CNTN5: variants seen among roughly 807,000 people sequenced by gnomAD.
CNTN5 encodes the protein contactin 5.
Under a neutral mutation model 129.1 loss-of-function variants are expected in CNTN5, and 77 were observed. The ratio of observed to expected loss-of-function variants is 0.60; its 90% CI spans 0.50 to 0.72. The LOEUF (loss-of-function observed/expected upper bound fraction) is 0.72, where lower values mean the gene tolerates loss of function less well. CNTN5 is among the 30% of genes least tolerant of loss of function. The pLI is 0.00. For synonymous variants in CNTN5, 509 were observed against 465.6 expected (o/e 1.09, Z -1.20); for missense variants, 1,478 against 1,328.8 (o/e 1.11, Z -1.75).
At chr11:100,027,213 T>G (rs570299234) in intron 9 of CNTN5, among the ~76,000 whole-genome samples, 31 of 152,342 alleles carry the variant, frequency 2.0e-4, no homozygotes, top group African/African-American at 7.0e-4. Context: ...ATTCTTTGCA[T>G]ACCTGAAAAT....
At chr11:99,519,085 C>T (rs2135432793) in intron 2 of CNTN5, among the ~76,000 whole-genome samples, 1 of 152,128 alleles carries the variant, frequency 6.6e-6, no homozygotes, top group Admixed American at 6.6e-5. Flanking sequence ...TCTACCAGTA[C>T]CCCATCTCCA....
chr11:99,652,633 A>G (rs915159325), intron 3 of CNTN5, among the ~76,000 whole-genome samples: 37 of 152,092 alleles, frequency 2.4e-4, no homozygotes, highest in African/African-American at 8.9e-4. Context: ...TTATTTGGTG[A>G]AAAATTTTGA....
intron 13 of CNTN5, among the ~76,000 whole-genome samples, chr11:100,083,958 G>A (rs1944458316): frequency 6.6e-6 from 1 of 151,964 alleles, no homozygotes. Context: ...CTCCCAACGA[G>A]AGATAACACT....
At chr11:99,364,881 G>T (rs1481934574) in intron 2 of CNTN5, among the ~76,000 whole-genome samples, 1 of 152,052 alleles carries the variant, frequency 6.6e-6, no homozygotes, top group Non-Finnish European at 1.5e-5. Flanking sequence ...CTGTTGAGGG[G>T]TTTGGGGCAG....
intron 3 of CNTN5, among the ~76,000 whole-genome samples, chr11:99,781,825 C>G (rs11221345): frequency 0.082 from 12,488 of 152,040 alleles, 566 homozygotes; most frequent in African/African-American, 0.11. Context: ...TGGGACGTAT[C>G]TCAAAATAAT....
intron 17 of CNTN5, among the ~76,000 whole-genome samples, chr11:100,261,273 A>G (rs1163917924): frequency 6.6e-6 from 1 of 152,184 alleles, no homozygotes; most frequent in Non-Finnish European, 1.5e-5. Flanking sequence ...GAGAACTACA[A>G]ACTACTGCTC....
At chr11:99,791,590 G>C (rs949410657) in intron 3 of CNTN5, among the ~76,000 whole-genome samples, 2 of 152,086 alleles carry the variant, frequency 1.3e-5, no homozygotes, top group Non-Finnish European at 2.9e-5. Context: ...GATTGCCTTG[G>C]CTATTCAAGC....
intron 3 of CNTN5, among the ~76,000 whole-genome samples, chr11:99,695,247 TC>T (rs1430965134): frequency 1.3e-5 from 2 of 151,998 alleles, no homozygotes; most frequent in Non-Finnish European, 2.9e-5. Context: ...CTTCCCACTT[TC>T]TGTTTTGGGT....
At chr11:99,451,121 TGTACTCA>T (rs1372253549) in intron 2 of CNTN5, among the ~76,000 whole-genome samples, 1 of 152,094 alleles carries the variant, frequency 6.6e-6, no homozygotes, top group Admixed American at 6.6e-5. Context: ...GTAAACAGAT[TGTACTCA>T]GTGAGACCTG....
chr11:99,421,288 T>C (rs1942876987), intron 2 of CNTN5, among the ~76,000 whole-genome samples: 1 of 152,014 alleles, frequency 6.6e-6, no homozygotes, highest in African/African-American at 2.4e-5. Context: ...AACAAACAAA[T>C]ATATAGAAGA....
At chr11:99,247,607 C>T (rs1046977271) in intron 1 of CNTN5, among the ~76,000 whole-genome samples, 36 of 149,970 alleles carry the variant, frequency 2.4e-4, no homozygotes, top group Middle Eastern at 3.5e-3. Flanking sequence ...GCTATCCCTC[C>T]CCCTTTCCCC....
At chr11:99,772,410 T>C (rs1944977243) in intron 3 of CNTN5, among the ~76,000 whole-genome samples, 1 of 152,134 alleles carries the variant, frequency 6.6e-6, no homozygotes, top group African/African-American at 2.4e-5. Flanking sequence ...ATTACTTCTG[T>C]GAACATTTGT....
At chr11:99,408,501 A>G (rs943902128) in intron 2 of CNTN5, among the ~76,000 whole-genome samples, 2 of 146,656 alleles carry the variant, frequency 1.4e-5, no homozygotes, top group African/African-American at 5.0e-5. Context: ...AAAGAAAGAA[A>G]GAAAGTTAGT....
intron 3 of CNTN5, 77 bp downstream of exon 3, chr11:99,556,346 A>C: frequency 1.2e-6 from 1 of 862,600 alleles, no homozygotes; most frequent in South Asian, 1.8e-5. Flanking sequence ...CTCCATTACA[A>C]AATATCCTCA....
intron 13 of CNTN5, among the ~76,000 whole-genome samples, chr11:100,164,226 C>G (rs1291640416): frequency 1.3e-5 from 2 of 151,748 alleles, no homozygotes; most frequent in African/African-American, 2.4e-5. Context: ...GCAAAAAAAT[C>G]TACTTCTGAT....
intron 1 of CNTN5, among the ~76,000 whole-genome samples, chr11:99,103,082 C>T (rs1223654495): frequency 1.3e-5 from 2 of 152,106 alleles, no homozygotes; most frequent in Admixed American, 6.6e-5. Context: ...CCTTATAAAA[C>T]CATCAGATCT....
chr11:99,534,802 T>G (rs933793120), intron 2 of CNTN5, among the ~76,000 whole-genome samples: 1 of 152,154 alleles, frequency 6.6e-6, no homozygotes, highest in Non-Finnish European at 1.5e-5. Flanking sequence ...TAAAGTAATA[T>G]TTCATATATT....
chr11:99,655,730 C>T (rs1952330978), intron 3 of CNTN5, among the ~76,000 whole-genome samples: 2 of 152,036 alleles, frequency 1.3e-5, no homozygotes, highest in African/African-American at 4.8e-5. Context: ...TACATACATA[C>T]ACCTATACAC....
intron 1 of CNTN5, among the ~76,000 whole-genome samples, chr11:99,068,791 G>A (rs1865212633): frequency 1.3e-5 from 2 of 152,188 alleles, no homozygotes; most frequent in Admixed American, 6.5e-5. Context: ...ATGGGTGACT[G>A]AGTATATTTT....
Sources: allele counts gnomAD v4.1 joint callset (sites outside exome capture counted in the v4.1 genomes callset), GRCh38; gene constraint gnomAD v4.1.1; transcripts MANE v1.5; gene names NCBI Gene and HGNC (gene_info 2026-07-23, HGNC 2026-07-21).